Variants in PBX1 observed in about 807,000 individuals in gnomAD.
The protein encoded by PBX1 is pre-B-cell leukemia transcription factor 1.
PBX1 carries 6 observed loss-of-function variants against 53.4 expected under a neutral mutation model. The observed-to-expected ratio is 0.11, with a 90% CI of 0.06 to 0.22. The LOEUF (loss-of-function observed/expected upper bound fraction) is 0.22, where lower values mean the gene tolerates loss of function less well. Ranked by LOEUF, PBX1 falls within the 10% of genes least tolerant of loss-of-function variation. PBX1 has a pLI of 1.00. For missense variants in PBX1, 251 were observed against 551.4 expected, an observed-to-expected ratio of 0.46 and a Z score of 5.46; for synonymous variants, 204 against 212.3, an observed-to-expected ratio of 0.96 and a Z score of 0.34.
intron 2 of PBX1, among the ~76,000 whole-genome samples, chr1:164,669,363 G>A (rs575828005): frequency 1.3e-5 from 2 of 152,270 alleles, no homozygotes; most frequent in South Asian, 2.1e-4. Flanking sequence ...AGGTTGGGGA[G>A]AAACCGCTGC....
chr1:164,884,804 C>A (rs868071639), intron 2 of PBX1, among the ~76,000 whole-genome samples: 2 of 152,152 alleles, frequency 1.3e-5, no homozygotes, highest in South Asian at 4.1e-4. Context: ...TCTTTCTCTT[C>A]GCCCCCACTA....
chr1:164,783,543 A>G (rs1668030081), intron 2 of PBX1, among the ~76,000 whole-genome samples: 1 of 152,206 alleles, frequency 6.6e-6, no homozygotes, highest in South Asian at 2.1e-4. Context: ...AGGGATCTTT[A>G]TCAGTGAGAT....
At chr1:164,741,739 A>AGTGTGTATGT (rs1665619406) in intron 2 of PBX1, among the ~76,000 whole-genome samples, 1 of 140,812 alleles carries the variant, frequency 7.1e-6, no homozygotes, top group South Asian at 2.4e-4. Flanking sequence ...TGTATGAGTG[A>AGTGTGTATGT]GTGTGTGTGT....
chr1:164,635,376 A>G (rs1023965888), intron 2 of PBX1, among the ~76,000 whole-genome samples: 2 of 152,208 alleles, frequency 1.3e-5, no homozygotes, highest in Admixed American at 1.3e-4. Context: ...AGTCAAATGC[A>G]AAGCAGTAAG....
In PBX1 at chr1:164,819,907, T is replaced by G. The variant is rs966648771; in HGVS notation, c.998-165T>G. 1.0e-5 allele frequency: 6 copies of G among 583,746 alleles called. No individual in the cohort carries two copies. In the Admixed American group the frequency reaches 1.8e-4, roughly 18 times the overall value. 36.2% of individuals were successfully genotyped at this position (583,746 alleles called of 1,614,324 possible). On this transcript the variant is annotated intron_variant, in intron 6 of 8. Coordinates refer to ENST00000420696, the MANE Select transcript of PBX1 (RefSeq NM_002585.4). The stretch of plus-strand genomic sequence containing the variant: ...TAAACAATATGCACCCTTTATTGCT[T>G]GCTCTGTTCTTCATGCTACTAACCA...
At chr1:164,688,195 C>T (rs955053721) in intron 2 of PBX1, among the ~76,000 whole-genome samples, 1 of 152,156 alleles carries the variant, frequency 6.6e-6, no homozygotes, top group African/African-American at 2.4e-5. Flanking sequence ...GTGCATCCGC[C>T]TTTAGACACT....
At chr1:164,597,149 T>G (rs1655822949) in intron 2 of PBX1, among the ~76,000 whole-genome samples, 1 of 152,268 alleles carries the variant, frequency 6.6e-6, no homozygotes, top group African/African-American at 2.4e-5. Flanking sequence ...TGGTGTAACA[T>G]TTCCTTTGAG....
In PBX1 at chr1:164,851,755, G is replaced by A. The variant is rs1671851949; in HGVS notation, c.*5079G>A. ...TGTTCTCTAATGATACTAACACGGT[G>A]TAGGTTTTACAGTCTCCTAATTTGT... On this transcript the variant is annotated 3_prime_UTR_variant, in exon 9 of 9. Transcript: ENST00000420696. The A allele has an allele frequency of 5.6e-6, 1 of 178,404 alleles. No homozygotes were observed. The highest frequency in any genetic ancestry group is 1.2e-5 in the Non-Finnish European group (1 of 83,192). The allele number at this position is 178,404 out of a possible 1,614,324, so 11.1% of individuals were successfully genotyped here. A position where few individuals can be genotyped will look rare whatever the true frequency, so the allele number is the denominator to read the frequency against.
intron 2 of PBX1, among the ~76,000 whole-genome samples, chr1:164,867,769 A>G (rs1390182524): frequency 6.6e-6 from 1 of 152,214 alleles, no homozygotes; most frequent in Non-Finnish European, 1.5e-5. Flanking sequence ...ATTTCTTGTC[A>G]ATGATTATTC....
Position 164,849,135 on chromosome 1 carries a change from A to G in PBX1, c.*2459A>G. On this transcript the variant is annotated 3_prime_UTR_variant, in exon 9 of 9. Coordinates refer to ENST00000420696, the MANE Select transcript of PBX1 (RefSeq NM_002585.4). ...TTTGCTTGACTTAGGGCAAAGTACG[A>G]AAGAGAGACAAAAGGGTTCTCTTGG... is the stretch of plus-strand genomic sequence containing the variant. 1 of 1,383,084 alleles carries G rather than the reference A, an allele frequency of 7.2e-7. No homozygotes were observed. The highest frequency in any genetic ancestry group is 9.4e-7 in the Non-Finnish European group (1 of 1,068,466). 85.7% of individuals were successfully genotyped at this position (1,383,084 alleles called of 1,614,324 possible).
intron 2 of PBX1, among the ~76,000 whole-genome samples, chr1:164,627,274 T>G (rs1279261602): frequency 2.6e-5 from 4 of 152,182 alleles, no homozygotes; most frequent in Non-Finnish European, 5.9e-5. Flanking sequence ...TCCCCTTTCA[T>G]AGCCAAAGCT....
At chr1:164,790,531 C>G (rs527333887) in intron 2 of PBX1, among the ~76,000 whole-genome samples, 1 of 152,100 alleles carries the variant, frequency 6.6e-6, no homozygotes, top group Admixed American at 6.5e-5. Flanking sequence ...CCTGCTCTCC[C>G]TCCTCCCTCC....
chr1:164,575,906 C>A (rs1287396901), intron 2 of PBX1, among the ~76,000 whole-genome samples: 1 of 151,716 alleles, frequency 6.6e-6, no homozygotes, highest in Admixed American at 6.6e-5. Flanking sequence ...GCGCGCAGCA[C>A]CAAGTATAAA....
chr1:164,615,434 T>A (rs1286024965), intron 2 of PBX1, among the ~76,000 whole-genome samples: 1 of 152,088 alleles, frequency 6.6e-6, no homozygotes, highest in Non-Finnish European at 1.5e-5. Flanking sequence ...TTTTTTAGAA[T>A]AATTTTTTTT....
chr1:164,836,919 C>T (rs1269398637), intron 8 of PBX1, among the ~76,000 whole-genome samples: 1 of 152,204 alleles, frequency 6.6e-6, no homozygotes, highest in African/African-American at 2.4e-5. Context: ...GGCTTTGTCT[C>T]AGTGATGGCA....
chr1:164,726,646 A>C (rs1005652687), intron 2 of PBX1, among the ~76,000 whole-genome samples: 3 of 152,218 alleles, frequency 2.0e-5, no homozygotes, highest in Non-Finnish European at 4.4e-5. Context: ...AGGTCTATGG[A>C]GTATAAAATG....
At chr1:164,882,860 C>A (rs1672693660) in intron 2 of PBX1, among the ~76,000 whole-genome samples, 1 of 152,102 alleles carries the variant, frequency 6.6e-6, no homozygotes, top group South Asian at 2.1e-4. Context: ...CTATGCTATG[C>A]TATGCTATAT....
At position 164,559,616 on chromosome 1, in the gene PBX1, C is replaced by T; in HGVS notation, c.-207C>T. 2.9e-6 allele frequency: 1 copy of T among 345,804 alleles called. No individual in the cohort carries two copies. Among genetic ancestry groups the T allele is most frequent in the Non-Finnish European group, 5.3e-6 (1 of 187,974 alleles). 21.4% of individuals were successfully genotyped at this position (345,804 alleles called of 1,614,324 possible). On this transcript the variant is annotated 5_prime_UTR_variant, in exon 1 of 9. Coordinates refer to ENST00000420696, the MANE Select transcript of PBX1 (RefSeq NM_002585.4). ...CTCACCCCGCAACCCCTTCACGCCC[C>T]CTCCCCCTCCCCCTCCTCATCCTCC... is the stretch of plus-strand genomic sequence containing the variant.
At chr1:164,560,798 T>C (rs980168202) in intron 1 of PBX1, among the ~76,000 whole-genome samples, 1 of 152,170 alleles carries the variant, frequency 6.6e-6, no homozygotes, top group Non-Finnish European at 1.5e-5. Flanking sequence ...TGTAGGGTCC[T>C]TTAAAAAGGG....
Sources: gnomAD v4.1 joint callset for allele counts (sites outside exome capture counted in the v4.1 genomes callset) on GRCh38, gnomAD v4.1.1 for gene constraint, MANE v1.5 for transcripts, NCBI Gene and HGNC (gene_info 2026-07-23, HGNC 2026-07-21) for gene names.